Variants in REEP3 observed in about 807,000 individuals in gnomAD.
REEP3 encodes the protein receptor expression-enhancing protein 3.
In REEP3, 20 loss-of-function variants were observed where a neutral mutation model predicts 41.3. That is an observed-to-expected ratio of 0.48 (90% CI 0.34 to 0.70). The LOEUF is 0.70. Among genes scored for constraint, REEP3 ranks in the 30% least tolerant of loss-of-function variants. The pLI is 0.01. For synonymous variants in REEP3, 104 were observed against 101.8 expected (o/e 1.02, Z -0.13); for missense variants, 271 against 308.8 (o/e 0.88, Z 0.92).
chr10:63,527,111 T>G (rs1955371930), intron 1 of REEP3, among the ~76,000 whole-genome samples: 1 of 152,156 alleles, frequency 6.6e-6, no homozygotes, highest in Non-Finnish European at 1.5e-5. Context: ...AACCCGCAAT[T>G]ATTTTTCTCT....
chr10:63,557,234 GGAAA>G (rs1955696624), intron 1 of REEP3, among the ~76,000 whole-genome samples: 1 of 152,018 alleles, frequency 6.6e-6, no homozygotes, highest in African/African-American at 2.4e-5. Flanking sequence ...ATGTGGAGCT[GGAAA>G]GAAATGCACA....
chr10:63,610,412 G>T (rs74765195), intron 6 of REEP3, 78 bp downstream of exon 6: 11 of 1,383,324 alleles, frequency 8.0e-6, no homozygotes, highest in South Asian at 2.7e-5. Context: ...GGCCTGTCGG[G>T]GGGTGGGGCA....
intron 1 of REEP3, among the ~76,000 whole-genome samples, chr10:63,558,022 G>A (rs946174863): frequency 3.3e-5 from 5 of 152,166 alleles, no homozygotes; most frequent in African/African-American, 1.2e-4. Context: ...TTCATATGTA[G>A]GGATACTGAC....
intron 3 of REEP3, among the ~76,000 whole-genome samples, chr10:63,596,436 A>G (rs1204884525): frequency 6.6e-6 from 1 of 152,150 alleles, no homozygotes. Flanking sequence ...TTTAACATGA[A>G]CAACTGAATC....
At chr10:63,551,497 C>T (rs934653465) in intron 1 of REEP3, among the ~76,000 whole-genome samples, 6 of 152,138 alleles carry the variant, frequency 3.9e-5, no homozygotes, top group Admixed American at 6.5e-5. Context: ...TGCCAAAAAA[C>T]GTGGTATGTA....
At chr10:63,553,898 C>T (rs768980981) in intron 1 of REEP3, among the ~76,000 whole-genome samples, 1 of 151,986 alleles carries the variant, frequency 6.6e-6, no homozygotes, top group African/African-American at 2.4e-5. Context: ...GTCAGGAGAT[C>T]GAGACCATCC....
intron 1 of REEP3, among the ~76,000 whole-genome samples, chr10:63,556,624 TTG>T (rs1554804608): frequency 1.7e-3 from 9 of 5,356 alleles, no homozygotes; most frequent in East Asian, 0.023. Context: ...GTTTTTTTTT[TTG>T]TTGTTTTGTT....
chr10:63,566,321 A>AT lies in REEP3; in HGVS notation c.33-9dup, dbSNP rs752891897. On this transcript the variant is annotated splice_polypyrimidine_tract_variant and intron_variant, in intron 1 of 7. Transcript: ENST00000373758. Reference sequence around the variant, plus strand: ...ATTGTTGTGTTTGAACAGTATTCTCATTTTTTTTACTTTTAGGCTGGTGTT... The same window carrying AT: ...ATTGTTGTGTTTGAACAGTATTCTCATTTTTTTTTACTTTTAGGCTGGTGTT... 2.2e-4 allele frequency: 329 copies of AT among 1,472,740 alleles called. No individual in the cohort carries two copies. Among genetic ancestry groups the AT allele is most frequent in the Middle Eastern group, 5.3e-4 (3 of 5,644 alleles). 91.2% of individuals were successfully genotyped at this position (1,472,740 alleles called of 1,614,324 possible).
At chr10:63,549,507 C>A (rs1186988706) in intron 1 of REEP3, among the ~76,000 whole-genome samples, 2 of 152,112 alleles carry the variant, frequency 1.3e-5, no homozygotes, top group Non-Finnish European at 2.9e-5. Flanking sequence ...TTTGAGGCTG[C>A]AATAAGCTGT....
chr10:63,550,881 T>C (rs1413404280), intron 1 of REEP3, among the ~76,000 whole-genome samples: 1 of 152,200 alleles, frequency 6.6e-6, no homozygotes, highest in African/African-American at 2.4e-5. Context: ...TGTAGGAAAG[T>C]CTTAATGCAA....
intron 2 of REEP3, among the ~76,000 whole-genome samples, chr10:63,591,542 T>G (rs1368155106): frequency 6.6e-6 from 1 of 152,232 alleles, no homozygotes; most frequent in African/African-American, 2.4e-5. Flanking sequence ...CCCTATTGAT[T>G]AGATAGTTTG....
At chr10:63,536,549 A>T (rs1233081750) in intron 1 of REEP3, among the ~76,000 whole-genome samples, 1 of 152,166 alleles carries the variant, frequency 6.6e-6, no homozygotes, top group Non-Finnish European at 1.5e-5. Context: ...GCAATGGGAG[A>T]AGCCAGCACT....
chr10:63,590,473 G>A (rs1179953269), intron 2 of REEP3, among the ~76,000 whole-genome samples: 1 of 152,062 alleles, frequency 6.6e-6, no homozygotes, highest in Non-Finnish European at 1.5e-5. Context: ...GCTTATAGGT[G>A]TAAACTTCAC....
intron 1 of REEP3, among the ~76,000 whole-genome samples, chr10:63,550,569 A>G (rs1478505166): frequency 6.6e-6 from 1 of 152,168 alleles, no homozygotes; most frequent in Non-Finnish European, 1.5e-5. Flanking sequence ...GAAAAGCCCC[A>G]AGTACTAAAA....
intron 1 of REEP3, among the ~76,000 whole-genome samples, chr10:63,526,947 G>C (rs1188304032): frequency 6.6e-6 from 1 of 152,036 alleles, no homozygotes; most frequent in Non-Finnish European, 1.5e-5. Context: ...TGTAAAATTA[G>C]ATACTACAGA....
intron 6 of REEP3, among the ~76,000 whole-genome samples, chr10:63,617,796 TG>T (rs1449490007): frequency 6.9e-6 from 1 of 145,376 alleles, no homozygotes; most frequent in African/African-American, 2.5e-5. Flanking sequence ...CTCCTAAGCC[TG>T]GAAATCCTTC....
At chr10:63,554,112 A>G (rs549031831) in intron 1 of REEP3, among the ~76,000 whole-genome samples, 1 of 152,212 alleles carries the variant, frequency 6.6e-6, no homozygotes, top group African/African-American at 2.4e-5. Flanking sequence ...AAAAAAAAAA[A>G]AAAACCTTAG....
chr10:63,550,132 C>T (rs1955614890), intron 1 of REEP3, among the ~76,000 whole-genome samples: 2 of 152,106 alleles, frequency 1.3e-5, no homozygotes, highest in South Asian at 2.1e-4. Flanking sequence ...TTATTGGCCA[C>T]GAGTTTGAAA....
At chr10:63,620,646 AT>A (rs1009554174) in intron 7 of REEP3, among the ~76,000 whole-genome samples, 166 bp from the exon 8 acceptor site, 5 of 152,284 alleles carry the variant, frequency 3.3e-5, no homozygotes, top group Admixed American at 1.3e-4. Flanking sequence ...TACCAACTAC[AT>A]TTTTTATGAG....
Sources: allele counts gnomAD v4.1 joint callset (sites outside exome capture counted in the v4.1 genomes callset), GRCh38; gene constraint gnomAD v4.1.1; transcripts MANE v1.5; gene names NCBI Gene and HGNC (gene_info 2026-07-23, HGNC 2026-07-21).